Variants in NPIPA5 observed in about 807,000 individuals in gnomAD.
NPIPA5 encodes the protein nuclear pore complex interacting protein family member A5, also known as nuclear pore complex-interacting protein family member A5.
In NPIPA5, 6 loss-of-function variants were observed where a neutral mutation model predicts 21.4. That is an observed-to-expected ratio of 0.28 (90% CI 0.15 to 0.55). NPIPA5 has a LOEUF of 0.55. Ranked by LOEUF, NPIPA5 falls within the 20% of genes least tolerant of loss-of-function variation. The pLI, the probability that NPIPA5 is intolerant of heterozygous loss-of-function variation, is 0.93. For synonymous variants in NPIPA5, 33 were observed against 115.3 expected, an observed-to-expected ratio of 0.29 and a Z score of 4.57; for missense variants, 99 against 318.2, an observed-to-expected ratio of 0.31 and a Z score of 5.24.
chr16:15,381,531 G>A (rs1380647255), upstream of NPIPA5: 5 of 808,768 alleles, frequency 6.2e-6, no homozygotes, highest in Non-Finnish European at 7.5e-6. Context: ...TCCGCGGCAG[G>A]TGCTCAATAA....
intron 1 of NPIPA5, among the ~76,000 whole-genome samples, chr16:15,377,698 A>T (rs2050342475): frequency 1.2e-5 from 1 of 82,726 alleles, no homozygotes. Flanking sequence ...GGAAAGGAGG[A>T]GAAGGGGGCT....
At chr16:15,374,065 T>C (rs1323661892) in intron 1 of NPIPA5, among the ~76,000 whole-genome samples, 1 of 134,444 alleles carries the variant, frequency 7.4e-6, no homozygotes, top group Non-Finnish European at 1.6e-5. Flanking sequence ...TGTGGGGTGT[T>C]GTCTTTCTTG....
intron 5 of NPIPA5, 25 bp downstream of exon 5, chr16:15,366,628 G>C: frequency 1.6e-6 from 1 of 641,384 alleles, no homozygotes; most frequent in Non-Finnish European, 2.6e-6. Flanking sequence ...TTCCCAAGAG[G>C]GTGGGGTTCA....
intron 4 of NPIPA5, among the ~76,000 whole-genome samples, chr16:15,367,016 G>C (rs1349199175): frequency 2.0e-5 from 3 of 152,014 alleles, no homozygotes; most frequent in Non-Finnish European, 4.4e-5. Context: ...CTATTCTTTA[G>C]TAAATATAAA....
chr16:15,375,837 A>T (rs1283583088), intron 1 of NPIPA5, among the ~76,000 whole-genome samples: 1 of 151,686 alleles, frequency 6.6e-6, no homozygotes, highest in African/African-American at 2.4e-5. Flanking sequence ...ATTCCATTAG[A>T]CTCTTATGTG....
chr16:15,380,144 CAA>C (rs2050404395), upstream of NPIPA5, among the ~76,000 whole-genome samples: 1 of 151,496 alleles, frequency 6.6e-6, no homozygotes, highest in African/African-American at 2.4e-5. Flanking sequence ...GCATTCAAAA[CAA>C]ATGAAGGAGA....
intron 2 of NPIPA5, among the ~76,000 whole-genome samples, chr16:15,372,405 A>G (rs947652602): frequency 8.1e-5 from 12 of 147,412 alleles, no homozygotes; most frequent in Non-Finnish European, 1.5e-4. Flanking sequence ...GAATCACTTG[A>G]AGCCAGGAGG....
upstream of NPIPA5, among the ~76,000 whole-genome samples, chr16:15,379,626 T>C (rs2150891552): frequency 1.3e-5 from 2 of 151,436 alleles, no homozygotes; most frequent in Non-Finnish European, 2.9e-5. Flanking sequence ...TGGAATTCAA[T>C]TCTTTTTATA....
At chr16:15,375,943 A>G (rs1247891159) in intron 1 of NPIPA5, among the ~76,000 whole-genome samples, 6 of 150,382 alleles carry the variant, frequency 4.0e-5, no homozygotes, top group African/African-American at 1.5e-4. Context: ...TCTTGAAAAC[A>G]TCTCAATTTT....
Position 15,371,834 on chromosome 16 carries a change from T to C in NPIPA5, c.193-1715A>G, listed in dbSNP as rs1433258896. 4.2e-5 allele frequency among the ~76,000 whole-genome samples: 6 copies of C among 144,230 alleles called. No homozygotes were observed. The South Asian group carries it at 6.9e-4, about 17-fold the overall frequency. 94.6% of individuals were successfully genotyped at this position (144,230 alleles called of 152,430 possible). A position where few individuals can be genotyped will look rare whatever the true frequency, so the allele number is the denominator to read the frequency against. On this transcript the variant is annotated intron_variant, in intron 2 of 7. Transcript: ENST00000360151. ...AATATCTTTCAAATTCTTTGTAGAATTTGTTTTTTCCTGATTTCTGCACAT... is the reference window on the plus strand; with the variant it reads ...AATATCTTTCAAATTCTTTGTAGAACTTGTTTTTTCCTGATTTCTGCACAT...
At chr16:15,367,358 A>G (rs1407670336) in intron 4 of NPIPA5, among the ~76,000 whole-genome samples, 1 of 152,138 alleles carries the variant, frequency 6.6e-6, no homozygotes, top group African/African-American at 2.4e-5. Flanking sequence ...CTGAAAAGGC[A>G]ATCTGAATGC....
At chr16:15,374,388 G>T (rs2050235478) in intron 1 of NPIPA5, among the ~76,000 whole-genome samples, 1 of 151,742 alleles carries the variant, frequency 6.6e-6, no homozygotes, top group Non-Finnish European at 1.5e-5. Context: ...TAGTAGAGAT[G>T]AGGTTTCACC....
chr16:15,371,992 G>C (rs1317019124), intron 2 of NPIPA5, among the ~76,000 whole-genome samples: 1 of 144,614 alleles, frequency 6.9e-6, no homozygotes, highest in African/African-American at 2.5e-5. Flanking sequence ...CCAGTTTGGA[G>C]CTAGGAGAAA....
At chr16:15,377,944 T>A (rs377745674) in intron 1 of NPIPA5, among the ~76,000 whole-genome samples, 6 of 148,368 alleles carry the variant, frequency 4.0e-5, no homozygotes. Context: ...CTTTAGACTC[T>A]CTCTCCACCA....
upstream of NPIPA5, among the ~76,000 whole-genome samples, chr16:15,380,115 T>A (rs1369679955): frequency 1.3e-5 from 2 of 151,850 alleles, no homozygotes; most frequent in Non-Finnish European, 2.9e-5. Flanking sequence ...ACTACTGGAC[T>A]TTTTGTAGAC....
At chr16:15,366,897 C>A in intron 4 of NPIPA5, 137 bp from the exon 5 acceptor site, 2 of 1,486,710 alleles carry the variant, frequency 1.3e-6, no homozygotes, top group South Asian at 1.3e-5. Context: ...TTCTCACAAC[C>A]GAAGGGAGAA....
intron 4 of NPIPA5, among the ~76,000 whole-genome samples, chr16:15,368,393 C>T (rs1414445852): frequency 3.9e-5 from 6 of 152,084 alleles, no homozygotes; most frequent in Admixed American, 6.6e-5. Flanking sequence ...AGTAGACTCC[C>T]ATCTCTTCTG....
In NPIPA5 at chr16:15,374,238, G is replaced by A. The variant is rs371740796; in HGVS notation, c.64-395C>T. On this transcript the variant is annotated intron_variant, in intron 1 of 7. Transcript: ENST00000360151. The stretch of plus-strand genomic sequence containing the variant: ...AGACAGAGTTCTGCTCCACTCAGTC[G>A]CCCAGGCTGGAGTGCAGTGGTGCAA... Among the ~76,000 whole-genome samples, 1,078 of 147,580 alleles carry A rather than the reference G, an allele frequency of 7.3e-3. 13 individuals are homozygous for A. Among genetic ancestry groups the A allele is most frequent in the South Asian group, 8.7e-3 (40 of 4,590 alleles).
At chr16:15,368,941 T>C (rs1228194602) in intron 4 of NPIPA5, among the ~76,000 whole-genome samples, 1 of 107,366 alleles carries the variant, frequency 9.3e-6, no homozygotes, top group African/African-American at 3.5e-5. Flanking sequence ...ATCATGCCAC[T>C]GCACTCTAGC....
Sources: gnomAD v4.1 joint callset for allele counts (sites outside exome capture counted in the v4.1 genomes callset) on GRCh38, gnomAD v4.1.1 for gene constraint, MANE v1.5 for transcripts, NCBI Gene and HGNC (gene_info 2026-07-23, HGNC 2026-07-21) for gene names.